SLC2A9: variants seen among roughly 807,000 people sequenced by gnomAD.
SLC2A9 encodes the protein solute carrier family 2, facilitated glucose transporter member 9.
A neutral mutation model predicts 50.6 loss-of-function variants in SLC2A9; 39 were observed. The ratio of observed to expected loss-of-function variants is 0.77; its 90% CI spans 0.60 to 1.01. SLC2A9 has a LOEUF of 1.01. SLC2A9 is among the 50% of genes least tolerant of loss of function. SLC2A9 has a pLI of 0.00. For synonymous variants in SLC2A9, 324 were observed against 276.9 expected (o/e 1.17, Z -1.69); for missense variants, 686 against 677.6 (o/e 1.01, Z -0.14).
In SLC2A9 at chr4:9,941,948, A is replaced by G; in HGVS notation, c.779T>C (p.Leu260Pro). Reference sequence around the variant, plus strand: ...TCTTGCCTCGTTGTGCTTCTCCAAGAGCAGGTAGCGTGGGCTGTCCGGGAG... The same window carrying G: ...TCTTGCCTCGTTGTGCTTCTCCAAGGGCAGGTAGCGTGGGCTGTCCGGGAG... The part of the protein sequence containing the change: ...PFLPDSPRYL[L>P]LEKHNEARAV... The change falls in exon 6 of 12, where the codon CTC becomes CCC. Residue 260 changes from leucine to proline, a missense_variant. Coordinates refer to ENST00000264784, the MANE Select transcript of SLC2A9 (RefSeq NM_020041.3). 4 of 1,614,142 alleles carry G rather than the reference A, an allele frequency of 2.5e-6. No individual in the cohort carries two copies. The highest frequency in any genetic ancestry group is 3.4e-6 in the Non-Finnish European group (4 of 1,180,002).
intron 2 of SLC2A9, among the ~76,000 whole-genome samples, chr4:10,007,477 C>G (rs1344555544): frequency 3.3e-5 from 5 of 152,242 alleles, no homozygotes; most frequent in Non-Finnish European, 5.9e-5. Flanking sequence ...TGGGTTTCCC[C>G]TCAGCCACCT....
chr4:10,008,900 GTT>G lies in SLC2A9; in HGVS notation c.249+10073_249+10074del, dbSNP rs1553911923. ...TTCATTATCAAATTTCTGTGCGGTG[GTT>G]TTTTTTTTTTTTTTTCCTAATGGAA... On this transcript the variant is annotated intron_variant, in intron 2 of 11. Transcript: ENST00000264784. Among the ~76,000 whole-genome samples the G allele has an allele frequency of 1.6e-3, 222 of 134,866 alleles. 1 individual carries two copies. The highest frequency in any genetic ancestry group is 2.9e-3 in the Admixed American group (39 of 13,536). 88.5% of individuals were successfully genotyped at this position (134,866 alleles called of 152,430 possible).
intron 5 of SLC2A9, among the ~76,000 whole-genome samples, chr4:9,965,123 G>T (rs953327366): frequency 6.6e-6 from 1 of 152,194 alleles, no homozygotes; most frequent in Non-Finnish European, 1.5e-5. Flanking sequence ...CCCCACGAAA[G>T]AGGTCCCATT....
intron 11 of SLC2A9, among the ~76,000 whole-genome samples, chr4:9,827,214 C>T (rs368931977): frequency 3.3e-4 from 50 of 152,308 alleles, no homozygotes; most frequent in African/African-American, 1.2e-3. Flanking sequence ...CTGCACTAGA[C>T]CTTGAGCTTC....
At chr4:9,868,911 C>T (rs1048252) in intron 10 of SLC2A9, among the ~76,000 whole-genome samples, 25,482 of 152,138 alleles carry the variant, frequency 0.17, 2,249 homozygotes, top group Admixed American at 0.24. Flanking sequence ...GAACACCCCC[C>T]AAAGGCATGG....
At chr4:9,977,049 C>T (rs1421751725) in intron 5 of SLC2A9, among the ~76,000 whole-genome samples, 1 of 152,184 alleles carries the variant, frequency 6.6e-6, no homozygotes, top group South Asian at 2.1e-4. Context: ...TCCATCCACA[C>T]TGCCATTACT....
At chr4:9,856,617 C>T (rs1730756206) in intron 10 of SLC2A9, among the ~76,000 whole-genome samples, 1 of 152,134 alleles carries the variant, frequency 6.6e-6, no homozygotes, top group African/African-American at 2.4e-5. Flanking sequence ...ATTGGGTACA[C>T]ACTCAAAGGA....
intron 9 of SLC2A9, among the ~76,000 whole-genome samples, chr4:9,888,287 ATG>A (rs1439644344): frequency 7.0e-6 from 1 of 142,966 alleles, no homozygotes. Context: ...ATATATATAT[ATG>A]TATATATATG....
intron 10 of SLC2A9, among the ~76,000 whole-genome samples, chr4:9,860,988 A>C (rs1225051325): frequency 1.3e-5 from 2 of 152,124 alleles, no homozygotes; most frequent in East Asian, 3.9e-4. Context: ...TTCCCTGGCT[A>C]CCCTAAGATA....
intron 3 of SLC2A9, among the ~76,000 whole-genome samples, chr4:9,992,738 A>C (rs1757929399): frequency 6.6e-6 from 1 of 152,214 alleles, no homozygotes; most frequent in Admixed American, 6.5e-5. Context: ...CACTGGATTC[A>C]ACCAAGTTAT....
intron 3 of SLC2A9, among the ~76,000 whole-genome samples, chr4:9,800,042 G>T (rs971348290): frequency 6.6e-6 from 1 of 152,152 alleles, no homozygotes. Flanking sequence ...AAAGAGATGA[G>T]CTCAGAAAAG....
At chr4:9,935,492 C>T (rs943470657) in intron 6 of SLC2A9, among the ~76,000 whole-genome samples, 1 of 152,182 alleles carries the variant, frequency 6.6e-6, no homozygotes, top group Non-Finnish European at 1.5e-5. Context: ...ACCTCAGAAC[C>T]TGGAGCTGAG....
intron 3 of SLC2A9, among the ~76,000 whole-genome samples, chr4:9,806,963 G>C (rs939774276): frequency 6.6e-5 from 10 of 152,300 alleles, no homozygotes; most frequent in Middle Eastern, 3.4e-3. Context: ...ATTTCCTCCT[G>C]AGTCCCCTTC....
chr4:9,836,828 G>A (rs1727190333), intron 10 of SLC2A9, among the ~76,000 whole-genome samples: 1 of 152,156 alleles, frequency 6.6e-6, no homozygotes, highest in East Asian at 1.9e-4. Context: ...GTTTAGGGGG[G>A]CTCAGATCAC....
intron 5 of SLC2A9, among the ~76,000 whole-genome samples, chr4:9,965,259 A>G (rs1175363905): frequency 6.6e-6 from 1 of 152,206 alleles, no homozygotes; most frequent in African/African-American, 2.4e-5. Flanking sequence ...GTCGGGCACG[A>G]GGGCCCAGGT....
intron 6 of SLC2A9, among the ~76,000 whole-genome samples, chr4:9,934,754 G>C (rs568723448): frequency 3.9e-5 from 6 of 152,080 alleles, no homozygotes; most frequent in Non-Finnish European, 8.8e-5. Context: ...TCAACCTGTC[G>C]TCTAGGTTTT....
upstream of SLC2A9, among the ~76,000 whole-genome samples, chr4:10,023,981 T>G (rs1220441610): frequency 3.3e-5 from 5 of 152,252 alleles, no homozygotes. Context: ...ACGTTCTGCC[T>G]GCTCTGACAC....
intron 1 of SLC2A9, among the ~76,000 whole-genome samples, chr4:10,027,140 A>G (rs1763782181): frequency 6.6e-6 from 1 of 152,200 alleles, no homozygotes; most frequent in South Asian, 2.1e-4. Flanking sequence ...CCGTGGAGAC[A>G]GAAGGCAGAT....
At chr4:9,944,691 A>G (rs934998526) in intron 5 of SLC2A9, among the ~76,000 whole-genome samples, 2 of 152,210 alleles carry the variant, frequency 1.3e-5, no homozygotes, top group African/African-American at 4.8e-5. Context: ...TGGAGCTCAG[A>G]TAAGAGTTTA....
Sources: gnomAD v4.1 joint callset for allele counts (sites outside exome capture counted in the v4.1 genomes callset) on GRCh38, gnomAD v4.1.1 for gene constraint, MANE v1.5 for transcripts, NCBI Gene and HGNC (gene_info 2026-07-23, HGNC 2026-07-21) for gene names.